TANGO6: variants seen among roughly 807,000 people sequenced by gnomAD.
TANGO6 encodes transport and golgi organization 6 homolog, also known as transport and Golgi organization protein 6 homolog.
A neutral mutation model predicts 114.2 loss-of-function variants in TANGO6; 90 were observed. That is an observed-to-expected ratio of 0.79 (90% confidence interval 0.66 to 0.94). TANGO6 has a LOEUF of 0.94. Ranked by LOEUF, TANGO6 falls within the 40% of genes least tolerant of loss-of-function variation. The pLI, the probability that TANGO6 is intolerant of heterozygous loss-of-function variation, is 0.00. For missense variants in TANGO6, 1,274 were observed against 1,315.3 expected, an observed-to-expected ratio of 0.97 and a Z score of 0.49; for synonymous variants, 477 against 509.8, an observed-to-expected ratio of 0.94 and a Z score of 0.87.
At chr16:68,968,990 C>T (rs1376795418) in intron 14 of TANGO6, among the ~76,000 whole-genome samples, 3 of 152,102 alleles carry the variant, frequency 2.0e-5, no homozygotes, top group Non-Finnish European at 2.9e-5. Flanking sequence ...TTTTTAGTTA[C>T]GTTAATTCAC....
chr16:68,875,325 T>G (rs1962337389), intron 5 of TANGO6, 35 bp downstream of exon 5: 1 of 1,598,608 alleles, frequency 6.3e-7, no homozygotes, highest in Non-Finnish European at 8.6e-7. Context: ...CATTTGAGGA[T>G]TATCTGCTTA....
chr16:68,864,301 C>T (rs994288475), intron 3 of TANGO6, among the ~76,000 whole-genome samples: 3 of 151,768 alleles, frequency 2.0e-5, no homozygotes, highest in African/African-American at 7.3e-5. Flanking sequence ...CAGCCAGGCA[C>T]TGTGGCTCAC....
intron 17 of TANGO6, among the ~76,000 whole-genome samples, chr16:69,070,264 C>T (rs1473498731): frequency 6.6e-6 from 1 of 151,854 alleles, no homozygotes; most frequent in Non-Finnish European, 1.5e-5. Context: ...ACTCCATAGA[C>T]AGAGTAGGGC....
chr16:68,874,370 C>T (rs938566802), intron 4 of TANGO6, among the ~76,000 whole-genome samples: 1 of 152,154 alleles, frequency 6.6e-6, no homozygotes, highest in Admixed American at 6.6e-5. Flanking sequence ...TGTTTGCTTC[C>T]GTTCTCTCAG....
At chr16:69,064,425 G>A (rs558532906) in intron 17 of TANGO6, among the ~76,000 whole-genome samples, 28 of 152,294 alleles carry the variant, frequency 1.8e-4, no homozygotes, top group Admixed American at 1.7e-3. Flanking sequence ...GTGATTCAGA[G>A]TGCCCTAAAG....
intron 15 of TANGO6, among the ~76,000 whole-genome samples, chr16:69,021,266 A>G: frequency 6.6e-6 from 1 of 152,072 alleles, no homozygotes; most frequent in East Asian, 1.9e-4. Context: ...CAGACATGCC[A>G]GGCGTGCTCC....
intron 7 of TANGO6, among the ~76,000 whole-genome samples, chr16:68,886,218 A>AT (rs796877466): frequency 0.012 from 1,745 of 143,824 alleles, 24 homozygotes; most frequent in African/African-American, 0.03. Flanking sequence ...CCCTTTGTCC[A>AT]TTTTTTTTTT....
intron 15 of TANGO6, among the ~76,000 whole-genome samples, chr16:69,009,072 C>CTTT (rs869092742): frequency 2.7e-4 from 21 of 77,640 alleles, no homozygotes; most frequent in African/African-American, 3.8e-4. Flanking sequence ...GAGTTTATTT[C>CTTT]TTTTTTTTTT....
Position 68,935,476 on chromosome 16 carries a change from T to C in TANGO6, c.2701+5181T>C, listed in dbSNP as rs1221912140. Reference sequence around the variant, plus strand: ...GCCTGACTTAGAAATTTCTGATGTCTATATTATCTATCACAGCAATCTGAG... The same window carrying C: ...GCCTGACTTAGAAATTTCTGATGTCCATATTATCTATCACAGCAATCTGAG... On this transcript the variant is annotated intron_variant, in intron 14 of 17. Transcript: ENST00000261778. Among the ~76,000 whole-genome samples the C allele has an allele frequency of 1.8e-4, 27 of 152,222 alleles. 1 individual carries two copies. The highest frequency in any genetic ancestry group is 1.8e-3 in the Admixed American group (27 of 15,286).
At chr16:68,845,625 T>A (rs1233334691) in intron 1 of TANGO6, among the ~76,000 whole-genome samples, 1 of 152,000 alleles carries the variant, frequency 6.6e-6, no homozygotes, top group Non-Finnish European at 1.5e-5. Flanking sequence ...TGAGGCAGGA[T>A]CCCAGGAGTT....
chr16:68,917,537 G>A (rs1054979485), intron 11 of TANGO6, among the ~76,000 whole-genome samples: 4 of 152,170 alleles, frequency 2.6e-5, no homozygotes, highest in African/African-American at 9.7e-5. Flanking sequence ...GAATGAATGA[G>A]AGAGCTCCTG....
chr16:68,964,550 T>TA (rs1402176200), intron 14 of TANGO6, among the ~76,000 whole-genome samples: 2 of 151,426 alleles, frequency 1.3e-5, no homozygotes, highest in Non-Finnish European at 2.9e-5. Context: ...GACAGTTATT[T>TA]AAAAACATAT....
intron 17 of TANGO6, among the ~76,000 whole-genome samples, chr16:69,056,987 G>A (rs1186051165): frequency 6.8e-6 from 1 of 147,012 alleles, no homozygotes; most frequent in Non-Finnish European, 1.5e-5. Flanking sequence ...GCCTTGAATG[G>A]CCTGATTTTC....
intron 14 of TANGO6, among the ~76,000 whole-genome samples, chr16:68,949,068 C>T (rs924115457): frequency 6.6e-6 from 1 of 152,206 alleles, no homozygotes; most frequent in African/African-American, 2.4e-5. Flanking sequence ...TGCCTCTAAT[C>T]CCAGCTACCT....
intron 1 of TANGO6, among the ~76,000 whole-genome samples, chr16:68,855,754 G>A (rs914673953): frequency 2.0e-5 from 3 of 151,562 alleles, no homozygotes; most frequent in Admixed American, 6.6e-5. Flanking sequence ...GCATTATTAC[G>A]GGTGCCTGTA....
chr16:69,082,248 G>C (rs531370312), intron 17 of TANGO6, among the ~76,000 whole-genome samples: 125 of 152,268 alleles, frequency 8.2e-4, no homozygotes, highest in African/African-American at 3.0e-3. Flanking sequence ...GCCTTCCAAA[G>C]TGCTGGGACT....
chr16:68,848,836 C>G (rs1439002046), intron 1 of TANGO6, among the ~76,000 whole-genome samples: 2 of 151,838 alleles, frequency 1.3e-5, no homozygotes, highest in African/African-American at 2.4e-5. Flanking sequence ...AATCAAATTT[C>G]CCATTTTTGG....
intron 15 of TANGO6, among the ~76,000 whole-genome samples, chr16:68,980,382 ATTCTC>A (rs1246728986): frequency 6.0e-5 from 2 of 33,304 alleles, no homozygotes; most frequent in African/African-American, 2.5e-4. Context: ...TCTGTCTGTC[ATTCTC>A]TCTCTCTCTC....
Position 68,990,097 on chromosome 16 carries a change from G to T in TANGO6, c.2842+15929G>T, listed in dbSNP as rs112017283. Among the ~76,000 whole-genome samples the T allele has an allele frequency of 5.9e-5, 9 of 152,120 alleles. 1 individual carries two copies. The highest frequency in any genetic ancestry group is 2.6e-4 in the Admixed American group (4 of 15,280). ...CACTCAGGCTGGAGTGCAGTGGTGCGATCACAGCTCAATGCAGCCTCAAAC... is the reference window on the plus strand; with the variant it reads ...CACTCAGGCTGGAGTGCAGTGGTGCTATCACAGCTCAATGCAGCCTCAAAC... On this transcript the variant is annotated intron_variant, in intron 15 of 17. Coordinates refer to ENST00000261778, the MANE Select transcript of TANGO6 (RefSeq NM_024562.2).
Sources: allele counts gnomAD v4.1 joint callset (sites outside exome capture counted in the v4.1 genomes callset), GRCh38; gene constraint gnomAD v4.1.1; transcripts MANE v1.5; gene names NCBI Gene and HGNC (gene_info 2026-07-23, HGNC 2026-07-21).